The following PRKN variants were observed in gnomAD, a reference collection of about 807,000 sequenced individuals.
The protein encoded by PRKN is E3 ubiquitin-protein ligase parkin.
A neutral mutation model predicts 59.5 loss-of-function variants in PRKN; 56 were observed. The observed-to-expected ratio is 0.94, with a 90% CI of 0.76 to 1.18. The LOEUF is 1.18. PRKN is among the 50% of genes most tolerant of loss of function. PRKN has a pLI of 0.00. For synonymous variants in PRKN, 250 were observed against 222.1 expected (o/e 1.13, Z -1.12); for missense variants, 657 against 596.4 (o/e 1.10, Z -1.06).
chr6:162,722,182 T>C (rs1349596689), intron 1 of PRKN, among the ~76,000 whole-genome samples: 2 of 152,128 alleles, frequency 1.3e-5, no homozygotes, highest in African/African-American at 4.8e-5. Flanking sequence ...CCCAGCACCA[T>C]CTAATACATA....
At chr6:162,589,141 C>G (rs1411840502) in intron 1 of PRKN, among the ~76,000 whole-genome samples, 1 of 152,104 alleles carries the variant, frequency 6.6e-6, no homozygotes, top group East Asian at 1.9e-4. Flanking sequence ...GATGTTTTAT[C>G]TTATTACAAA....
At chr6:161,809,367 A>G (rs984048672) in intron 6 of PRKN, among the ~76,000 whole-genome samples, 6 of 152,086 alleles carry the variant, frequency 3.9e-5, no homozygotes, top group Non-Finnish European at 7.3e-5. Flanking sequence ...ACTTGCATTT[A>G]TGGTGACAAT....
intron 9 of PRKN, among the ~76,000 whole-genome samples, chr6:161,469,581 G>C (rs866383221): frequency 1.5e-4 from 22 of 149,774 alleles, no homozygotes; most frequent in African/African-American, 5.4e-4. Context: ...GAAAGAGAGA[G>C]AGAAAGAGAA....
intron 7 of PRKN, among the ~76,000 whole-genome samples, chr6:161,711,585 T>C (rs1217829086): frequency 6.6e-6 from 1 of 152,172 alleles, no homozygotes; most frequent in Non-Finnish European, 1.5e-5. Context: ...GAGTGTTAAT[T>C]TGATTGGATT....
Position 161,445,790 on chromosome 6 carries a change from AG to A in PRKN, c.1084-58914del, listed in dbSNP as rs1434404616. ...CTATTGGCCGCCAGCAAAGAATACA[AG>A]GGGTTTCCCTTCCCTTCCCTTCCCT... On this transcript the variant is annotated intron_variant, in intron 9 of 11. Transcript: ENST00000366898. This position sits in a 1 kb window ranked among gnomAD's most constrained non-coding sequence, Gnocchi z 7.7. Among the ~76,000 whole-genome samples the A allele has an allele frequency of 2.9e-5, 4 of 136,764 alleles. No individual in the cohort carries two copies. The highest frequency in any genetic ancestry group is 7.6e-5 in the Admixed American group (1 of 13,218). 89.7% of individuals were successfully genotyped at this position (136,764 alleles called of 152,430 possible). A position where few individuals can be genotyped will look rare whatever the true frequency, so the allele number is the denominator to read the frequency against.
chr6:161,528,176 A>G (rs540093357), intron 9 of PRKN, among the ~76,000 whole-genome samples: 66 of 152,208 alleles, frequency 4.3e-4, no homozygotes, highest in Non-Finnish European at 9.0e-4. Context: ...TAGCCATGTC[A>G]TATTGAGACA....
chr6:161,826,910 G>A (rs1227132300), intron 6 of PRKN, among the ~76,000 whole-genome samples: 1 of 152,192 alleles, frequency 6.6e-6, no homozygotes, highest in East Asian at 1.9e-4. Flanking sequence ...CCCATAGTGT[G>A]TAATTTTGAT....
intron 1 of PRKN, among the ~76,000 whole-genome samples, chr6:162,548,006 A>T (rs1779184288): frequency 6.6e-6 from 1 of 152,102 alleles, no homozygotes; most frequent in African/African-American, 2.4e-5. Flanking sequence ...AGACACCATT[A>T]ACCTCCCTCC....
intron 7 of PRKN, among the ~76,000 whole-genome samples, chr6:161,573,237 A>C (rs953732609): frequency 2.8e-5 from 4 of 140,948 alleles, no homozygotes; most frequent in African/African-American, 1.1e-4. Context: ...GATCCCAAGC[A>C]CTGCTTTAGT....
At chr6:162,171,119 TTGGTG>T (rs1178692365) in intron 4 of PRKN, among the ~76,000 whole-genome samples, 1 of 152,038 alleles carries the variant, frequency 6.6e-6, no homozygotes, top group African/African-American at 2.4e-5. Context: ...CCATTGCCTC[TTGGTG>T]GTCTGAGGCT....
intron 1 of PRKN, among the ~76,000 whole-genome samples, chr6:162,636,966 A>T (rs1482203715): frequency 6.6e-6 from 1 of 152,042 alleles, no homozygotes; most frequent in African/African-American, 2.4e-5. Flanking sequence ...CCCAAAAAAA[A>T]AAAGATGTGG....
chr6:162,258,005 C>T (rs995428121), intron 3 of PRKN, among the ~76,000 whole-genome samples: 2 of 152,192 alleles, frequency 1.3e-5, no homozygotes, highest in East Asian at 1.9e-4. Flanking sequence ...CCACCCCATA[C>T]TGGCTGCTGC....
rs1349695864 is a variant in PRKN, at chr6:162,034,186, T to TATATATAGAG, written c.618+19904_618+19905insCTCTATATAT. ...ACACATACATATATATATATATATA[T>TATATATAGAG]AGAGAGAGAGAGAGAGAGAGAGAGA... On this transcript the variant is annotated intron_variant, in intron 5 of 11. Transcript: ENST00000366898. Among the ~76,000 whole-genome samples, 56 of 133,296 alleles carry TATATATAGAG rather than the reference T, an allele frequency of 4.2e-4. 1 individual carries two copies. Among genetic ancestry groups the TATATATAGAG allele is most frequent in the African/African-American group, 1.1e-3 (39 of 34,184 alleles). 87.4% of individuals were successfully genotyped at this position (133,296 alleles called of 152,430 possible).
In PRKN at chr6:161,410,365, T is replaced by G. The variant is rs1336200237; in HGVS notation, c.1084-23488A>C. Among the ~76,000 whole-genome samples the G allele has an allele frequency of 6.6e-6, 1 of 152,134 alleles. No individual in the cohort carries two copies. The highest frequency in any genetic ancestry group is 2.4e-5 in the African/African-American group (1 of 41,418). ...TCATACCCACTGGGCCCAGCTCTTT[T>G]TCAGTCCTTTCCTGGCCTGGGGGAA... On this transcript the variant is annotated intron_variant, in intron 9 of 11. Transcript: ENST00000366898. The surrounding 1 kb of genome is among the most constrained non-coding windows in gnomAD (Gnocchi z 5.3).
intron 4 of PRKN, among the ~76,000 whole-genome samples, chr6:162,076,989 C>T (rs886463060): frequency 8.5e-5 from 13 of 152,090 alleles, no homozygotes; most frequent in African/African-American, 3.1e-4. Flanking sequence ...TCATCCACAA[C>T]GCCGTCCACA....
At chr6:162,630,171 C>T (rs2849560) in intron 1 of PRKN, among the ~76,000 whole-genome samples, 139,422 of 152,204 alleles carry the variant, frequency 0.92, 64,014 homozygotes, top group Admixed American at 0.97. Flanking sequence ...CTTAGTCATA[C>T]AGTAATAGTG....
At chr6:162,122,526 C>A (rs1780956159) in intron 4 of PRKN, among the ~76,000 whole-genome samples, 1 of 152,168 alleles carries the variant, frequency 6.6e-6, no homozygotes, top group Non-Finnish European at 1.5e-5. Context: ...GGCACTCACA[C>A]ACATGCTTCA....
At chr6:161,368,699 G>A (rs187260406) in intron 10 of PRKN, among the ~76,000 whole-genome samples, 441 of 149,322 alleles carry the variant, frequency 3.0e-3, no homozygotes, top group Non-Finnish European at 4.8e-3. Context: ...CACCAGCACT[G>A]CAACTCCACT....
rs543993062 is a variant in PRKN at position 161,560,360 on chromosome 6, C to A, written c.933+8995G>T. Among the ~76,000 whole-genome samples the A allele has an allele frequency of 9.6e-4, 146 of 152,238 alleles. No homozygotes were observed. Among genetic ancestry groups the A allele is most frequent in the African/African-American group, 3.5e-3 (144 of 41,544 alleles). On this transcript the variant is annotated intron_variant, in intron 8 of 11. Transcript: ENST00000366898. The surrounding 1 kb of genome is among the most constrained non-coding windows in gnomAD (Gnocchi z 4.9). ...AGGTGAAGATGGTTGTCCCTTGGCTCCTTAACGACGCCCCCAAATGCTTGG... is the reference window on the plus strand; with the variant it reads ...AGGTGAAGATGGTTGTCCCTTGGCTACTTAACGACGCCCCCAAATGCTTGG...
Sources: allele counts gnomAD v4.1 joint callset (sites outside exome capture counted in the v4.1 genomes callset), GRCh38; gene constraint gnomAD v4.1.1; non-coding constraint Gnocchi (gnomAD v3.1); transcripts MANE v1.5; gene names NCBI Gene and HGNC (gene_info 2026-07-23, HGNC 2026-07-21).